The following CACNA2D1 variants were observed in gnomAD, a reference collection of about 807,000 sequenced individuals.
CACNA2D1 encodes the protein voltage-dependent calcium channel subunit alpha-2/delta-1.
CACNA2D1 carries 53 observed loss-of-function variants against 171.5 expected under a neutral mutation model. The ratio of observed to expected loss-of-function variants is 0.31; its 90% CI spans 0.25 to 0.39. The LOEUF (loss-of-function observed/expected upper bound fraction) is 0.39, where lower values mean the gene tolerates loss of function less well. CACNA2D1 is among the 10% of genes least tolerant of loss of function. CACNA2D1 has a pLI of 1.00. For synonymous variants in CACNA2D1, 442 were observed against 443.1 expected, an observed-to-expected ratio of 1.00 and a Z score of 0.03; for missense variants, 903 against 1,299.8, an observed-to-expected ratio of 0.69 and a Z score of 4.69.
rs189448202 is a variant in CACNA2D1 at position 82,185,894 on chromosome 7, C to T, written c.295-15285G>A. On this transcript the variant is annotated intron_variant, in intron 3 of 38. Coordinates refer to ENST00000356860, the MANE Select transcript of CACNA2D1 (RefSeq NM_000722.4). ...GGGCCACACCAGGCATGGTGGCTCA[C>T]ACCTGTAGTCCCAGCACTTTGGGAG... 3.5e-3 allele frequency among the ~76,000 whole-genome samples: 537 copies of T among 152,138 alleles called. 6 individuals are homozygous for T. The highest frequency in any genetic ancestry group is 0.012 in the African/African-American group (517 of 41,508).
chr7:81,979,997 C>A (rs71557108), intron 24 of CACNA2D1, among the ~76,000 whole-genome samples: 1 of 151,190 alleles, frequency 6.6e-6, no homozygotes, highest in African/African-American at 2.4e-5. Context: ...ATAGAGAATT[C>A]TATGAAGCAG....
chr7:82,311,644 G>A (rs1353169943), intron 3 of CACNA2D1, among the ~76,000 whole-genome samples: 2 of 152,096 alleles, frequency 1.3e-5, no homozygotes, highest in African/African-American at 2.4e-5. Flanking sequence ...CCAGAATTTG[G>A]AAGTTATTTA....
chr7:82,063,020 A>C (rs1435058904), intron 9 of CACNA2D1, among the ~76,000 whole-genome samples: 1 of 152,068 alleles, frequency 6.6e-6, no homozygotes, highest in African/African-American at 2.4e-5. Flanking sequence ...TGATGGGATC[A>C]CAGGTGTGAG....
chr7:82,012,632 ATACT>A (rs1380568752), intron 14 of CACNA2D1, among the ~76,000 whole-genome samples: 3 of 152,184 alleles, frequency 2.0e-5, no homozygotes, highest in Non-Finnish European at 4.4e-5. Flanking sequence ...CAGCAGCCAC[ATACT>A]TTCTTTCATA....
rs1278259410 is a variant in CACNA2D1, at chr7:81,959,265, G to A, written c.3159+10C>T. 6 of 1,565,816 alleles carry A rather than the reference G, an allele frequency of 3.8e-6. No homozygotes were observed. Among genetic ancestry groups the A allele is most frequent in the South Asian group, 1.1e-5 (1 of 90,136 alleles). ...TATAGTATTTTAATCCAGTAGAAGT[G>A]TGATCTTACCAAGACATTGTTATCA... On this transcript the variant is annotated intron_variant, in intron 38 of 38. Transcript: ENST00000356860.
At chr7:82,425,673 T>C (rs79007052) in intron 1 of CACNA2D1, among the ~76,000 whole-genome samples, 3,132 of 151,162 alleles carry the variant, frequency 0.021, 116 homozygotes, top group East Asian at 0.12. Context: ...CTGGGACTAA[T>C]AGGTGCATGC....
rs562352239 is a variant in CACNA2D1 at position 82,404,425 on chromosome 7, C to A, written c.95+38940G>T. On this transcript the variant is annotated intron_variant, in intron 1 of 38. Transcript: ENST00000356860. Reference sequence around the variant, plus strand: ...GGAACTGTTTAGGCCTTCCCCAGATCTTAATTGACACCCCTGGTTCAAATA... The same window carrying A: ...GGAACTGTTTAGGCCTTCCCCAGATATTAATTGACACCCCTGGTTCAAATA... 3.9e-5 allele frequency among the ~76,000 whole-genome samples: 6 copies of A among 152,262 alleles called. No homozygotes were observed. The East Asian group carries it at 1.2e-3, about 29-fold the overall frequency.
chr7:82,159,484 C>A (rs1286872018), intron 4 of CACNA2D1, among the ~76,000 whole-genome samples: 2 of 151,878 alleles, frequency 1.3e-5, no homozygotes, highest in Admixed American at 1.3e-4. Flanking sequence ...CCGTCCATAT[C>A]CATATTTTTC....
At chr7:82,223,857 C>T (rs1802050592) in intron 3 of CACNA2D1, among the ~76,000 whole-genome samples, 1 of 152,138 alleles carries the variant, frequency 6.6e-6, no homozygotes, top group Non-Finnish European at 1.5e-5. Context: ...CCAATGGCTT[C>T]CCTTGGTCCT....
At chr7:82,123,778 G>A (rs994297946) in intron 5 of CACNA2D1, among the ~76,000 whole-genome samples, 16 of 151,992 alleles carry the variant, frequency 1.1e-4, no homozygotes, top group Admixed American at 7.2e-4. Context: ...TGCCACAAAG[G>A]GTTCTCGTGA....
intron 5 of CACNA2D1, among the ~76,000 whole-genome samples, chr7:82,128,096 G>GTT (rs537422197): frequency 2.4e-4 from 34 of 142,312 alleles, no homozygotes; most frequent in Admixed American, 4.2e-4. Context: ...GCTAATTTTA[G>GTT]TTTTTTTTTT....
intron 7 of CACNA2D1, among the ~76,000 whole-genome samples, chr7:82,069,874 C>T (rs1808117067): frequency 6.6e-6 from 1 of 152,070 alleles, no homozygotes; most frequent in African/African-American, 2.4e-5. Context: ...GTCTTAGTCT[C>T]ATGATAATTT....
chr7:82,248,841 G>C (rs1473487536), intron 3 of CACNA2D1, among the ~76,000 whole-genome samples: 6 of 151,844 alleles, frequency 4.0e-5, no homozygotes, highest in Admixed American at 3.9e-4. Flanking sequence ...CTTGCAGCTG[G>C]GCGCGGTGGC....
intron 12 of CACNA2D1, among the ~76,000 whole-genome samples, chr7:82,024,674 T>A (rs1801657801): frequency 1.3e-5 from 2 of 151,742 alleles, no homozygotes; most frequent in South Asian, 2.1e-4. Flanking sequence ...TTTTTGGATT[T>A]ATTACCTATG....
chr7:82,060,202 T>TAC (rs1491099146), intron 10 of CACNA2D1, among the ~76,000 whole-genome samples: 1 of 9,870 alleles, frequency 1.0e-4, no homozygotes, highest in East Asian at 0.019. Context: ...ATATATATAT[T>TAC]ATATATATAA....
chr7:82,021,850 T>C (rs895339249), intron 12 of CACNA2D1, among the ~76,000 whole-genome samples: 1 of 151,946 alleles, frequency 6.6e-6, no homozygotes, highest in African/African-American at 2.4e-5. Context: ...TGATAAGATA[T>C]ACTGTGAGCA....
intron 10 of CACNA2D1, among the ~76,000 whole-genome samples, chr7:82,054,998 C>A (rs1325884181): frequency 6.6e-6 from 1 of 152,124 alleles, no homozygotes; most frequent in Non-Finnish European, 1.5e-5. Context: ...AGCCAGAAAA[C>A]CTGTGTGGCA....
chr7:82,367,110 A>C (rs1821826933), intron 1 of CACNA2D1, among the ~76,000 whole-genome samples: 1 of 151,634 alleles, frequency 6.6e-6, no homozygotes, highest in African/African-American at 2.4e-5. Context: ...GGGCCTCACC[A>C]TGTTGCCCAG....
At chr7:82,113,780 A>G (rs1047928294) in intron 6 of CACNA2D1, among the ~76,000 whole-genome samples, 1 of 152,200 alleles carries the variant, frequency 6.6e-6, no homozygotes, top group Non-Finnish European at 1.5e-5. Context: ...AATTTTCCAG[A>G]TCTTGTGGAC....
Sources: allele counts gnomAD v4.1 joint callset (sites outside exome capture counted in the v4.1 genomes callset), GRCh38; gene constraint gnomAD v4.1.1; transcripts MANE v1.5; gene names NCBI Gene and HGNC (gene_info 2026-07-23, HGNC 2026-07-21).